OSBPL6: variants seen among roughly 807,000 people sequenced by gnomAD.
OSBPL6 encodes oxysterol binding protein like 6.
Under a neutral mutation model 125.8 loss-of-function variants are expected in OSBPL6, and 49 were observed. That is an observed-to-expected ratio of 0.39 (90% CI 0.31 to 0.49). The LOEUF (loss-of-function observed/expected upper bound fraction) is 0.49. Ranked by LOEUF, OSBPL6 falls within the 20% of genes least tolerant of loss-of-function variation. OSBPL6 has a pLI of 0.88. For missense variants in OSBPL6, 986 were observed against 1,135.4 expected (o/e 0.87, Z 1.89); for synonymous variants, 394 against 391.8 (o/e 1.01, Z -0.07).
rs971084194 is a variant in OSBPL6, at chr2:178,398,046, A to G, written c.*2487A>G. 1 of 152,220 alleles carries G rather than the reference A, an allele frequency of 6.6e-6. No homozygotes were observed. The highest frequency in any genetic ancestry group is 2.4e-5 in the African/African-American group (1 of 41,454). The allele number at this position is 152,220 out of a possible 1,614,324, so 9.4% of individuals were successfully genotyped here. A position where few individuals can be genotyped will look rare whatever the true frequency, so the allele number is the denominator to read the frequency against. ...TTCCTATAATACCCAATTCACTAAT[A>G]TCATATCTCCTGTGGAATATTCATT... On this transcript the variant is annotated 3_prime_UTR_variant, in exon 25 of 25. Transcript: ENST00000190611.
intron 1 of OSBPL6, among the ~76,000 whole-genome samples, chr2:178,195,178 G>C (rs2088802286): frequency 1.3e-5 from 2 of 152,196 alleles, no homozygotes; most frequent in African/African-American, 4.8e-5. Flanking sequence ...AAGCCGAGAG[G>C]AGCGGCTGGG....
Position 178,350,075 on chromosome 2 carries a change from G to T in OSBPL6, c.1153+686G>T, listed in dbSNP as rs139715785. 2.2e-3 allele frequency among the ~76,000 whole-genome samples: 337 copies of T among 152,314 alleles called. 2 individuals carry two copies. Among genetic ancestry groups the T allele is most frequent in the East Asian group, 3.1e-3 (16 of 5,182 alleles). ...CTTCTACTTCCATTGTATTCTATTG[G>T]TCAAAGCACCATAGGCCAGCTCAGA... On this transcript the variant is annotated intron_variant, in intron 12 of 24. Coordinates refer to ENST00000190611, the MANE Select transcript of OSBPL6 (RefSeq NM_032523.4).
intron 15 of OSBPL6, among the ~76,000 whole-genome samples, chr2:178,378,892 A>C (rs935754090): frequency 1.1e-4 from 16 of 152,174 alleles, no homozygotes; most frequent in South Asian, 2.1e-4. Flanking sequence ...AAGGCCAGGC[A>C]TGGTGGCTCA....
In OSBPL6 at chr2:178,317,436, CCATATATATATATATATA is replaced by C. The variant is rs1381267175; in HGVS notation, c.103-6740_103-6723del. Among the ~76,000 whole-genome samples, 200 of 59,892 alleles carry C rather than the reference CCATATATATATATATATA, an allele frequency of 3.3e-3. 1 individual carries two copies. The highest frequency in any genetic ancestry group is 4.8e-3 in the Non-Finnish European group (160 of 32,990). The allele number at this position is 59,892 out of a possible 152,430, so 39.3% of individuals were successfully genotyped here. ...TTATGTCGCAGCAGAAACTTAGACA[CCATATATATATATATATA>C]TATATATATATATATATATATATAT... On this transcript the variant is annotated intron_variant, in intron 3 of 24. Transcript: ENST00000190611.
chr2:178,292,130 T>C (rs1419453483), intron 2 of OSBPL6, among the ~76,000 whole-genome samples: 1 of 151,938 alleles, frequency 6.6e-6, no homozygotes, highest in Non-Finnish European at 1.5e-5. Context: ...AACTTTTTTT[T>C]CCCCGAAACT....
chr2:178,306,358 C>G (rs1686760037), intron 3 of OSBPL6, 72 bp downstream of exon 3: 6 of 913,750 alleles, frequency 6.6e-6, no homozygotes, highest in Non-Finnish European at 1.1e-5. Flanking sequence ...GATGGGGTTG[C>G]TAATTAATTC....
intron 10 of OSBPL6, 29 bp downstream of exon 10, chr2:178,339,123 G>C: frequency 7.1e-7 from 1 of 1,414,636 alleles, no homozygotes; most frequent in Non-Finnish European, 9.9e-7. Flanking sequence ...CTGGTAAAAG[G>C]ACTTAGGGTA....
chr2:178,213,322 A>G (rs1480234976), intron 1 of OSBPL6, among the ~76,000 whole-genome samples: 1 of 152,024 alleles, frequency 6.6e-6, no homozygotes. Flanking sequence ...ACATTTTCAT[A>G]TGGTTATCTT....
At position 178,398,686 on chromosome 2, in the gene OSBPL6, T is replaced by C. The variant is rs1695996337; in HGVS notation, c.*3127T>C. On this transcript the variant is annotated 3_prime_UTR_variant, in exon 25 of 25. Transcript: ENST00000190611. ...ACTATATGTGGGGAAAAAATGCAAT[T>C]TTCTGGGCAAGAGAAACCAAAGGAT... 1.3e-5 allele frequency: 2 copies of C among 152,152 alleles called. No homozygotes were observed. Among genetic ancestry groups the C allele is most frequent in the South Asian group, 4.1e-4 (2 of 4,826 alleles). The allele number at this position is 152,152 out of a possible 1,614,324, so 9.4% of individuals were successfully genotyped here. A position where few individuals can be genotyped will look rare whatever the true frequency, so the allele number is the denominator to read the frequency against.
chr2:178,335,651 T>C (rs1689613431), intron 8 of OSBPL6, among the ~76,000 whole-genome samples: 1 of 152,222 alleles, frequency 6.6e-6, no homozygotes, highest in Non-Finnish European at 1.5e-5. Context: ...ATTTCAATTT[T>C]TTAAGAATTA....
At chr2:178,377,443 G>A (rs140484006) in intron 15 of OSBPL6, among the ~76,000 whole-genome samples, 1 of 152,304 alleles carries the variant, frequency 6.6e-6, no homozygotes, top group Admixed American at 6.5e-5. Flanking sequence ...CTCCAACACT[G>A]GGGATTAGAT....
intron 2 of OSBPL6, among the ~76,000 whole-genome samples, chr2:178,294,649 T>C (rs1022525533): frequency 2.5e-4 from 38 of 151,968 alleles, no homozygotes; most frequent in African/African-American, 9.2e-4. Flanking sequence ...TATGATGAGA[T>C]TAACCTATCA....
intron 20 of OSBPL6, among the ~76,000 whole-genome samples, chr2:178,388,649 A>G (rs1695148839): frequency 1.3e-5 from 2 of 151,974 alleles, no homozygotes; most frequent in Admixed American, 1.3e-4. Context: ...CACTCATCCC[A>G]CGTTCCAGGT....
chr2:178,284,312 G>A (rs1234994415), intron 1 of OSBPL6, among the ~76,000 whole-genome samples: 1 of 152,132 alleles, frequency 6.6e-6, no homozygotes, highest in Non-Finnish European at 1.5e-5. Context: ...CAGCCCTTTG[G>A]GAGGCCGAGG....
intron 1 of OSBPL6, among the ~76,000 whole-genome samples, chr2:178,218,622 CTTCT>C (rs1186412495): frequency 7.7e-6 from 1 of 130,286 alleles, no homozygotes; most frequent in Non-Finnish European, 1.6e-5. Flanking sequence ...TTTTATCCCC[CTTCT>C]TTCTTTCTTT....
intron 1 of OSBPL6, among the ~76,000 whole-genome samples, chr2:178,282,865 C>G (rs1344779309): frequency 6.6e-6 from 1 of 152,122 alleles, no homozygotes; most frequent in Non-Finnish European, 1.5e-5. Context: ...GTTGGCCAAG[C>G]TGGTCTCGAT....
chr2:178,220,150 C>T (rs1245129345), intron 1 of OSBPL6, among the ~76,000 whole-genome samples: 2 of 152,104 alleles, frequency 1.3e-5, no homozygotes, highest in South Asian at 2.1e-4. Flanking sequence ...ATAACAAATG[C>T]TAGAATGTGG....
At chr2:178,382,572 T>G in intron 16 of OSBPL6, 65 bp downstream of exon 16, 1 of 1,604,644 alleles carries the variant, frequency 6.2e-7, no homozygotes, top group East Asian at 2.3e-5. Flanking sequence ...GAAGACTTAA[T>G]GAACAGGCAT....
intron 1 of OSBPL6, among the ~76,000 whole-genome samples, chr2:178,263,233 C>G (rs2092117973): frequency 6.6e-6 from 1 of 152,194 alleles, no homozygotes; most frequent in Non-Finnish European, 1.5e-5. Flanking sequence ...AATACCAACA[C>G]TTTGGAAGGC....
Sources: gnomAD v4.1 joint callset for allele counts (sites outside exome capture counted in the v4.1 genomes callset) on GRCh38, gnomAD v4.1.1 for gene constraint, MANE v1.5 for transcripts, NCBI Gene and HGNC (gene_info 2026-07-23, HGNC 2026-07-21) for gene names.